Variants in KDM2B observed in about 807,000 individuals in gnomAD.
The protein encoded by KDM2B is lysine-specific demethylase 2B.
KDM2B carries 26 observed loss-of-function variants against 150.0 expected under a neutral mutation model. The ratio of observed to expected loss-of-function variants is 0.17; its 90% confidence interval spans 0.13 to 0.24. The LOEUF is 0.24. KDM2B is among the 10% of genes least tolerant of loss of function. The pLI, the probability that KDM2B is intolerant of heterozygous loss-of-function variation, is 1.00. For synonymous variants in KDM2B, 734 were observed against 729.5 expected, an observed-to-expected ratio of 1.01 and a Z score of -0.10; for missense variants, 1,265 against 1,816.9, an observed-to-expected ratio of 0.70 and a Z score of 5.52.
rs1555295414 is a variant in KDM2B at position 121,468,995 on chromosome 12, A to G, written c.1735-15651T>C. 6.6e-6 allele frequency: 1 copy of G among 152,008 alleles called. No individual in the cohort carries two copies. The highest frequency in any genetic ancestry group is 1.9e-4 in the East Asian group (1 of 5,158). 9.4% of individuals were successfully genotyped at this position (152,008 alleles called of 1,614,324 possible). ...CTGCAACCTCCACCTCCTGGGTTCA[A>G]TCGATTCGTGTGCCTCAGCCTCCAG... On this transcript the variant is annotated intron_variant, in intron 12 of 22. Transcript: ENST00000377071. The surrounding 1 kb of genome is among the most constrained non-coding windows in gnomAD (Gnocchi z 4.0).
chr12:121,456,638 T>TCTGGCCTCC (rs1216600512), intron 12 of KDM2B, among the ~76,000 whole-genome samples: 13 of 152,160 alleles, frequency 8.5e-5, no homozygotes, highest in Admixed American at 6.5e-4. Flanking sequence ...ACTGAGTGCC[T>TCTGGCCTCC]CTGGCCTCCC....
rs146989736 is a variant in KDM2B, at chr12:121,476,817, C to T, written c.1734+17762G>A. 1.4e-3 allele frequency among the ~76,000 whole-genome samples: 206 copies of T among 152,246 alleles called. 4 individuals are homozygous for T. The East Asian group carries it at 0.036, about 27-fold the overall frequency. The stretch of plus-strand genomic sequence containing the variant: ...CTTCATTTCATGGATTTTCATAGAT[C>T]CATCAAGACACTCAAAATAGAAAAA... On this transcript the variant is annotated intron_variant, in intron 12 of 22. Transcript: ENST00000377071.
Position 121,553,003 on chromosome 12 carries a change from C to T in KDM2B, c.398-3365G>A, listed in dbSNP as rs375924240. Among the ~76,000 whole-genome samples, 472 of 152,182 alleles carry T rather than the reference C, an allele frequency of 3.1e-3. 3 individuals carry two copies. The highest frequency in any genetic ancestry group is 1.0e-2 in the South Asian group (48 of 4,814). ...ATCCCAGCACTTTGGGAGGCTGAGG[C>T]GGGCAGATCATGAGGTCAGGAGATT... On this transcript the variant is annotated intron_variant, in intron 4 of 22. Transcript: ENST00000377071.
At chr12:121,555,061 C>T (rs1176613203) in intron 4 of KDM2B, among the ~76,000 whole-genome samples, 1 of 152,058 alleles carries the variant, frequency 6.6e-6, no homozygotes, top group African/African-American at 2.4e-5. Flanking sequence ...TGGCAGACAC[C>T]AGTATTCCCA....
intron 4 of KDM2B, among the ~76,000 whole-genome samples, chr12:121,561,586 C>T (rs1187514683): frequency 2.6e-5 from 4 of 152,168 alleles, no homozygotes; most frequent in African/African-American, 7.2e-5. Context: ...CCCTACCTGC[C>T]GCTCTGGCCT....
intron 1 of KDM2B, chr12:121,580,111 A>AG (rs1403850453): frequency 9.5e-6 from 15 of 1,574,750 alleles, no homozygotes; most frequent in Non-Finnish European, 1.3e-5. Context: ...ATTTTGGCCG[A>AG]GGGGGGAAGG....
Position 121,441,185 on chromosome 12 carries a change from C to T in KDM2B, c.3333G>A (p.Lys1111=), listed in dbSNP as rs782464613. 2.3e-5 allele frequency: 37 copies of T among 1,614,064 alleles called. No individual in the cohort carries two copies. The change falls in exon 20 of 23, where the codon AAG becomes AAA. Residue 1111 remains lysine (K), a synonymous_variant. Transcript: ENST00000377071. The stretch of plus-strand genomic sequence containing the variant: ...CACTCAGCATCAGGGGTGTGATAGA[C>T]TTGCAGTGGTTCAGGTCAATGCGGG... The part of the protein sequence containing the change: ...LWTRIDLNHC[K]SITPLMLSGI...
the KDM2B span, among the ~76,000 whole-genome samples, chr12:121,415,591 G>A: frequency 3.0e-4 from 46 of 152,180 alleles, no homozygotes; most frequent in South Asian, 9.3e-3. Flanking sequence ...ACTCCAGCCT[G>A]GTTGACAATG....
At position 121,537,965 on chromosome 12, in the gene KDM2B, C is replaced by T. The variant is rs1888289812; in HGVS notation, c.684-3375G>A. Among the ~76,000 whole-genome samples the T allele has an allele frequency of 6.6e-6, 1 of 150,814 alleles. No individual in the cohort carries two copies. Among genetic ancestry groups the T allele is most frequent in the South Asian group, 2.1e-4 (1 of 4,828 alleles). On this transcript the variant is annotated intron_variant, in intron 6 of 22. Coordinates refer to ENST00000377071, the MANE Select transcript of KDM2B (RefSeq NM_032590.5). The surrounding 1 kb of genome is among the most constrained non-coding windows in gnomAD (Gnocchi z 8.7). ...GCGTCCCCTTCGGCTCCCGGGCGTC[C>T]CCTTCGGCTGCGGAGGCTCGACGCG...
At chr12:121,566,261 G>A (rs1022019036) in intron 4 of KDM2B, among the ~76,000 whole-genome samples, 3 of 152,074 alleles carry the variant, frequency 2.0e-5, no homozygotes, top group Non-Finnish European at 4.4e-5. Flanking sequence ...GGCTGAGGCG[G>A]GAGGATTACA....
At chr12:121,472,042 G>A (rs1029535405) in intron 12 of KDM2B, among the ~76,000 whole-genome samples, 3 of 152,128 alleles carry the variant, frequency 2.0e-5, no homozygotes, top group African/African-American at 4.8e-5. Flanking sequence ...AGAATCGCTT[G>A]AGCCTGGGAG....
Position 121,520,205 on chromosome 12 carries a change from T to C in KDM2B, c.1047+780A>G, listed in dbSNP as rs1406171261. 6.6e-6 allele frequency among the ~76,000 whole-genome samples: 1 copy of C among 152,130 alleles called. No homozygotes were observed. The highest frequency in any genetic ancestry group is 1.5e-5 in the Non-Finnish European group (1 of 68,010). On this transcript the variant is annotated intron_variant, in intron 9 of 22. Coordinates refer to ENST00000377071, the MANE Select transcript of KDM2B (RefSeq NM_032590.5). The surrounding 1 kb of genome is among the most constrained non-coding windows in gnomAD (Gnocchi z 4.5). ...CGCGCCCGGCCCCAAGTCTTCAGTT[T>C]TGACCCAGTTTGGGACCTGTCTTAT... is the stretch of plus-strand genomic sequence containing the variant.
chr12:121,441,438 AGTAT>A (rs782803976), intron 19 of KDM2B, among the ~76,000 whole-genome samples: 4 of 151,902 alleles, frequency 2.6e-5, no homozygotes, highest in Admixed American at 1.3e-4. Context: ...CTCTCCATCA[AGTAT>A]GTATGTATGT....
intron 6 of KDM2B, among the ~76,000 whole-genome samples, chr12:121,544,925 T>C (rs923021231): frequency 6.6e-6 from 1 of 152,002 alleles, no homozygotes; most frequent in Non-Finnish European, 1.5e-5. Flanking sequence ...AAAATAAAAA[T>C]TAAAAAATTT....
At chr12:121,451,060 C>G (rs143081834) in intron 13 of KDM2B, among the ~76,000 whole-genome samples, 1 of 152,150 alleles carries the variant, frequency 6.6e-6, no homozygotes, top group East Asian at 1.9e-4. Context: ...CGCTTATATG[C>G]CGATTTTTTT....
intron 12 of KDM2B, among the ~76,000 whole-genome samples, chr12:121,460,806 A>G (rs1879009450): frequency 6.6e-6 from 1 of 152,144 alleles, no homozygotes; most frequent in Non-Finnish European, 1.5e-5. Context: ...TATGTAACCC[A>G]GGCTGGTCTT....
At chr12:121,527,498 A>G (rs1174075497) in intron 8 of KDM2B, among the ~76,000 whole-genome samples, 1 of 150,714 alleles carries the variant, frequency 6.6e-6, no homozygotes, top group African/African-American at 2.4e-5. Context: ...TAAAAATACA[A>G]AAAAAGTTAG....
At chr12:121,576,177 CAA>C (rs1395806208) in intron 2 of KDM2B, among the ~76,000 whole-genome samples, 3 of 152,064 alleles carry the variant, frequency 2.0e-5, no homozygotes, top group East Asian at 1.9e-4. Context: ...GAGCACCGCA[CAA>C]AAAGAGTCCC....
chr12:121,465,042 C>G (rs1346572038), intron 12 of KDM2B, among the ~76,000 whole-genome samples: 1 of 152,076 alleles, frequency 6.6e-6, no homozygotes, highest in African/African-American at 2.4e-5. Context: ...GCCTGCCCCC[C>G]ACTGCCCTGG....
Sources: gnomAD v4.1 joint callset for allele counts (sites outside exome capture counted in the v4.1 genomes callset) on GRCh38, gnomAD v4.1.1 for gene constraint, Gnocchi (gnomAD v3.1) non-coding constraint, MANE v1.5 for transcripts, NCBI Gene and HGNC (gene_info 2026-07-23, HGNC 2026-07-21) for gene names.